BRWD3: variants seen among roughly 807,000 people sequenced by gnomAD.
BRWD3 encodes bromodomain and WD repeat domain containing 3.
BRWD3 carries 10 observed loss-of-function variants against 149.7 expected under a neutral mutation model. The ratio of observed to expected loss-of-function variants is 0.07; its 90% CI spans 0.04 to 0.11. The LOEUF (loss-of-function observed/expected upper bound fraction) is 0.11, where lower values mean the gene tolerates loss of function less well. BRWD3 is among the 10% of genes least tolerant of loss of function. The pLI is 1.00. For missense variants in BRWD3, 940 were observed against 1,373.2 expected, an observed-to-expected ratio of 0.68 and a Z score of 4.99; for synonymous variants, 504 against 456.7, an observed-to-expected ratio of 1.10 and a Z score of -1.32.
chrX:80,708,478 G>A (rs1410484331), intron 21 of BRWD3, among the ~76,000 whole-genome samples: 1 of 105,657 alleles, frequency 9.5e-6, no homozygotes, highest in Non-Finnish European at 1.9e-5. Flanking sequence ...TCATATGGGT[G>A]GGGGTGGGGC....
At chrX:80,768,138 C>T (rs901818831) in intron 6 of BRWD3, among the ~76,000 whole-genome samples, 3 of 111,778 alleles carry the variant, frequency 2.7e-5, no homozygotes, top group Non-Finnish European at 5.6e-5. Flanking sequence ...AGAATGGAAT[C>T]AAGTTGGAAA....
At chrX:80,787,827 G>C (rs895184327) in intron 6 of BRWD3, among the ~76,000 whole-genome samples, 1 of 111,506 alleles carries the variant, frequency 9.0e-6, no homozygotes, top group Admixed American at 9.6e-5. Flanking sequence ...GCTCACGCCT[G>C]TAATCCCAGC....
At chrX:80,773,119 C>T (rs2073964783) in intron 6 of BRWD3, among the ~76,000 whole-genome samples, 1 of 112,084 alleles carries the variant, frequency 8.9e-6, no homozygotes, top group Non-Finnish European at 1.9e-5. Context: ...AAAAGAGTAA[C>T]ATGATGAATC....
At chrX:80,767,416 G>C (rs1163860480) in intron 6 of BRWD3, among the ~76,000 whole-genome samples, 9 of 111,151 alleles carry the variant, frequency 8.1e-5, no homozygotes, top group African/African-American at 2.9e-4. Flanking sequence ...AGGCAAACAG[G>C]GTCTGGAGTG....
chrX:80,710,319 C>A, intron 20 of BRWD3: 1 of 335,617 alleles, frequency 3.0e-6, no homozygotes. Context: ...CTACTTACTG[C>A]TGGTTATAAT....
intron 22 of BRWD3, among the ~76,000 whole-genome samples, chrX:80,705,798 G>T (rs1260222691): frequency 9.0e-6 from 1 of 111,616 alleles, no homozygotes; most frequent in Non-Finnish European, 1.9e-5. Flanking sequence ...TGACGTAAAA[G>T]ATTTTTAAAA....
At chrX:80,752,078 T>A (rs962516251) in intron 6 of BRWD3, among the ~76,000 whole-genome samples, 2 of 107,497 alleles carry the variant, frequency 1.9e-5, no homozygotes, top group African/African-American at 6.8e-5. Context: ...AGTGGCACTA[T>A]CACAGCTCAC....
intron 11 of BRWD3, 128 bp downstream of exon 11, chrX:80,733,990 G>T: frequency 1.9e-6 from 1 of 519,389 alleles, no homozygotes; most frequent in South Asian, 2.6e-5. Flanking sequence ...TAGTAGTAAT[G>T]ACAAGAGTAA....
chrX:80,750,779 C>T (rs1055333767), intron 6 of BRWD3, among the ~76,000 whole-genome samples: 5 of 109,176 alleles, frequency 4.6e-5, no homozygotes, highest in Admixed American at 2.0e-4. Flanking sequence ...CTCTCATGTT[C>T]GTTGCAGCAT....
rs1166035296 is a variant in BRWD3, at chrX:80,791,958, T to C, written c.332-6A>G. On this transcript the variant is annotated splice_polypyrimidine_tract_variant and splice_region_variant and intron_variant, in intron 5 of 40. Coordinates refer to ENST00000373275, the MANE Select transcript of BRWD3 (RefSeq NM_153252.5). ...CCATAGTGTACTCTTACAGTCTATA[T>C]AAAAAGAACAAAGGTTGCTAAGGAA... 1 of 1,158,671 alleles carries C rather than the reference T, an allele frequency of 8.6e-7. No homozygotes were observed. The highest frequency in any genetic ancestry group is 1.2e-6 in the Non-Finnish European group (1 of 851,483).
intron 7 of BRWD3, 26 bp downstream of exon 7, chrX:80,745,543 T>C: frequency 8.5e-7 from 1 of 1,173,582 alleles, no homozygotes; most frequent in Non-Finnish European, 1.2e-6. Flanking sequence ...CTATATATGT[T>C]ACCATATTAT....
chrX:80,705,978 A>T (rs2147718873), intron 22 of BRWD3, among the ~76,000 whole-genome samples: 1 of 112,229 alleles, frequency 8.9e-6, no homozygotes, highest in African/African-American at 3.2e-5. Flanking sequence ...TATAAAAAAT[A>T]TTTTTCTTTC....
At chrX:80,694,353 C>T (rs1019202249) in intron 27 of BRWD3, among the ~76,000 whole-genome samples, 4 of 112,028 alleles carry the variant, frequency 3.6e-5, no homozygotes, top group Non-Finnish European at 5.6e-5. Flanking sequence ...TCTGCTAGGG[C>T]AGTGCAGAAG....
intron 27 of BRWD3, among the ~76,000 whole-genome samples, chrX:80,695,136 C>G (rs1416136149): frequency 9.0e-6 from 1 of 111,538 alleles, no homozygotes; most frequent in Non-Finnish European, 1.9e-5. Flanking sequence ...ACTTCCACTT[C>G]TAACTCTCTG....
At chrX:80,699,179 C>A (rs1438622294) in intron 25 of BRWD3, among the ~76,000 whole-genome samples, 1 of 110,921 alleles carries the variant, frequency 9.0e-6, no homozygotes, top group Non-Finnish European at 1.9e-5. Context: ...AGGGCCACTG[C>A]ACTCCAGCCT....
At position 80,691,976 on chromosome X, in the gene BRWD3, C is replaced by T; in HGVS notation, c.3328G>A (p.Ala1110Thr). 1 of 1,199,511 alleles carries T rather than the reference C, an allele frequency of 8.3e-7. No homozygotes were observed. The highest frequency in any genetic ancestry group is 1.1e-6 in the Non-Finnish European group (1 of 889,243). ...WDMEPIPEGTAFPDEVGAGVP... is the reference protein window; with the variant it reads ...WDMEPIPEGTTFPDEVGAGVP... ...CCAGCACCAACTTCATCTGGAAAGG[C>T]AGCTAGGTATAAGATAAAAAAAAAA... Residue 1110 changes from alanine to threonine, a missense_variant and splice_region_variant, in exon 30 of 41, where the codon GCC (alanine) becomes ACC (threonine). By Grantham distance (58) the Ala-to-Thr change is moderately conservative. Around this residue, in one of 6 missense-constraint regions of BRWD3, gnomAD observed 158 missense variants for 284.0 expected, o/e 0.56. Transcript: ENST00000373275.
chrX:80,770,423 C>T (rs1284015485), intron 6 of BRWD3, among the ~76,000 whole-genome samples: 1 of 111,617 alleles, frequency 9.0e-6, no homozygotes, highest in Non-Finnish European at 1.9e-5. Context: ...TGGCTTTATC[C>T]CTAGGACGCA....
At chrX:80,724,752 G>C (rs1279968035) in intron 15 of BRWD3, among the ~76,000 whole-genome samples, 181 bp downstream of exon 15, 3 of 111,573 alleles carry the variant, frequency 2.7e-5, no homozygotes, top group Non-Finnish European at 3.8e-5. Flanking sequence ...CCTAAGAATA[G>C]TCATCTTGAA....
intron 4 of BRWD3, among the ~76,000 whole-genome samples, chrX:80,798,991 C>T (rs2074267380): frequency 8.9e-6 from 1 of 111,910 alleles, no homozygotes; most frequent in African/African-American, 3.2e-5. Flanking sequence ...CCTCTTTCTA[C>T]TACTGTCCTC....
Sources: allele counts gnomAD v4.1 joint callset (sites outside exome capture counted in the v4.1 genomes callset), GRCh38; gene constraint gnomAD v4.1.1; regional missense constraint gnomAD v4.1.1; transcripts MANE v1.5; gene names NCBI Gene and HGNC (gene_info 2026-07-23, HGNC 2026-07-21).